Variants in SETD2 observed in about 807,000 individuals in gnomAD.
SETD2 encodes SET domain containing 2, histone lysine methyltransferase, also known as histone-lysine N-methyltransferase SETD2.
In SETD2, 31 loss-of-function variants were observed where a neutral mutation model predicts 242.1. That is an observed-to-expected ratio of 0.13 (90% confidence interval 0.10 to 0.17). The LOEUF (loss-of-function observed/expected upper bound fraction) is 0.17, where lower values mean the gene tolerates loss of function less well. Ranked by LOEUF, SETD2 falls within the 10% of genes least tolerant of loss-of-function variation. SETD2 has a pLI of 1.00. For synonymous variants in SETD2, 1,006 were observed against 1,066.5 expected (o/e 0.94, Z 1.11); for missense variants, 2,481 against 3,046.3 (o/e 0.81, Z 4.37).
At position 47,083,885 on chromosome 3, in the gene SETD2, G is replaced by T. The variant is rs768174639; in HGVS notation, c.5895C>A (p.Ser1965Arg). The change falls in exon 12 of 21, where the codon AGC (serine) becomes AGA (arginine). Residue 1965 changes from serine to arginine, a missense_variant. By Grantham distance (110) the Ser-to-Arg change is moderately radical. Around this residue, in one of 17 missense-constraint regions of SETD2, gnomAD observed 203 missense variants for 222.4 expected, o/e 0.91. Transcript: ENST00000409792. ...EADAEIEPKE[S>R]NGTKLEEPIN... ...TAGGTTCTTCTAGTTTTGTGCCGTT[G>T]CTCTCTTTGGGCTCTATTTCAGCGT... 6 of 1,613,996 alleles carry T rather than the reference G, an allele frequency of 3.7e-6. No homozygotes were observed. The highest frequency in any genetic ancestry group is 5.1e-6 in the Non-Finnish European group (6 of 1,180,002).
At chr3:47,088,322 C>T (rs2107652481) in intron 9 of SETD2, 75 bp from the exon 10 acceptor site, 1 of 1,459,776 alleles carries the variant, frequency 6.9e-7, no homozygotes, top group Non-Finnish European at 9.3e-7. Flanking sequence ...CAAAAAGTTG[C>T]TCAACCTTAT....
At chr3:47,066,169 A>G (rs562135158) in intron 13 of SETD2, among the ~76,000 whole-genome samples, 1 of 152,284 alleles carries the variant, frequency 6.6e-6, no homozygotes, top group East Asian at 1.9e-4. Flanking sequence ...ATTTTCTCTT[A>G]TGATTTTCTT....
chr3:47,079,023 TA>T (rs35692837), intron 12 of SETD2, among the ~76,000 whole-genome samples: 84,671 of 151,692 alleles, frequency 0.56, 23,788 homozygotes, highest in Non-Finnish European at 0.58. Flanking sequence ...CAGAAAACAA[TA>T]AAAAAAATAA....
At chr3:47,090,714 G>A (rs1192394480) in intron 9 of SETD2, among the ~76,000 whole-genome samples, 2 of 152,084 alleles carry the variant, frequency 1.3e-5, no homozygotes, top group East Asian at 1.9e-4. Flanking sequence ...ATAATAATTT[G>A]TGCGGCAATA....
intron 5 of SETD2, among the ~76,000 whole-genome samples, chr3:47,110,676 A>G (rs1258170969): frequency 6.6e-6 from 1 of 152,154 alleles, no homozygotes; most frequent in Non-Finnish European, 1.5e-5. Flanking sequence ...ACAACGCAAG[A>G]GTTTTGACTA....
At chr3:47,027,784 T>TTG (rs1298086667) in intron 18 of SETD2, among the ~76,000 whole-genome samples, 11 of 125,924 alleles carry the variant, frequency 8.7e-5, no homozygotes, top group Admixed American at 3.9e-4. Flanking sequence ...TGCTGCTGGT[T>TTG]TTTTTTTTTG....
intron 1 of SETD2, chr3:47,157,542 G>A (rs1426677502): frequency 8.8e-6 from 4 of 455,760 alleles, no homozygotes; most frequent in Admixed American, 7.1e-5. Flanking sequence ...CATAAGTACC[G>A]TTCTTTCTAG....
chr3:47,097,258 T>C (rs2042046036), intron 9 of SETD2, among the ~76,000 whole-genome samples: 1 of 152,158 alleles, frequency 6.6e-6, no homozygotes, highest in East Asian at 1.9e-4. Context: ...TTACTATGGA[T>C]CCAGCCAGCT....
chr3:47,110,285 CTGCTTAACAGGCAGAGT>C (rs2042599851), intron 5 of SETD2, among the ~76,000 whole-genome samples: 1 of 152,148 alleles, frequency 6.6e-6, no homozygotes, highest in East Asian at 1.9e-4. Flanking sequence ...TGAGAAGATT[CTGCTTAACAGGCAGAGT>C]TAGTTCCCTT....
chr3:47,118,492 C>T (rs1194537330), intron 3 of SETD2, among the ~76,000 whole-genome samples: 5 of 151,860 alleles, frequency 3.3e-5, no homozygotes, highest in African/African-American at 7.3e-5. Flanking sequence ...GAGGCTGAGA[C>T]GGGCGGATCA....
At chr3:47,118,389 G>A (rs979093905) in intron 3 of SETD2, among the ~76,000 whole-genome samples, 2 of 151,958 alleles carry the variant, frequency 1.3e-5, no homozygotes, top group African/African-American at 4.8e-5. Context: ...TCTTCTTAGT[G>A]GCTCCTAAAT....
chr3:47,151,378 G>A (rs1187433158), intron 1 of SETD2, among the ~76,000 whole-genome samples: 2 of 151,934 alleles, frequency 1.3e-5, no homozygotes, highest in South Asian at 2.1e-4. Flanking sequence ...AAATAGCATC[G>A]ATGAAAATAA....
At chr3:47,050,740 T>TTTTTTG in intron 15 of SETD2, among the ~76,000 whole-genome samples, 1 of 131,940 alleles carries the variant, frequency 7.6e-6, no homozygotes, top group Non-Finnish European at 1.6e-5. Context: ...TTTTTTTTTT[T>TTTTTTG]TTTTTTTTGA....
rs2043200482 is a variant in SETD2 at position 47,123,648 on chromosome 3, T to G, written c.988A>C (p.Thr330Pro). The change falls in exon 3 of 21, where the codon ACT becomes CCT. Residue 330 changes from threonine (T) to proline (P), a missense_variant. Around this residue, in one of 17 missense-constraint regions of SETD2, gnomAD observed 38 missense variants for 61.0 expected, o/e 0.62. Coordinates refer to ENST00000409792, the MANE Select transcript of SETD2 (RefSeq NM_014159.7). ...TCATGTGATCTTTGACTTGAAGAAG[T>G]CCGTACAGAATCTTCATCAGATTCT... Reference protein sequence around the residue: ...GSESDEDSVRTSSSQRSHDLK... With the variant: ...GSESDEDSVRPSSSQRSHDLK... The G allele has an allele frequency of 6.4e-7, 1 of 1,550,458 alleles. No individual in the cohort carries two copies. The highest frequency in any genetic ancestry group is 1.2e-5 in the South Asian group (1 of 83,936).
chr3:47,056,924 G>C lies in SETD2; in HGVS notation c.6860C>G (p.Ser2287Cys). 6.2e-7 allele frequency: 1 copy of C among 1,614,180 alleles called. No homozygotes were observed. The highest frequency in any genetic ancestry group is 8.5e-7 in the Non-Finnish European group (1 of 1,179,978). ...QQSVSVQQQY[S>C]PAQSQATIYY... ...TATGGTTGCTTGAGACTGTGCAGGA[G>C]AGTACTGCTGCTGTACACTGACAGA... The change falls in exon 15 of 21, where the codon TCT becomes TGT. Residue 2287 changes from serine to cysteine, a missense_variant. Physicochemically the swap from Ser to Cys is moderately radical, Grantham distance 112 (BLOSUM62 -1). This residue lies in a region of SETD2 where 235 missense variants were observed against 293.9 expected (regional missense o/e 0.80). Coordinates refer to ENST00000409792, the MANE Select transcript of SETD2 (RefSeq NM_014159.7).
intron 17 of SETD2, among the ~76,000 whole-genome samples, chr3:47,041,855 T>A (rs555705254): frequency 5.9e-5 from 9 of 152,136 alleles, no homozygotes; most frequent in Non-Finnish European, 1.2e-4. Flanking sequence ...GCTATTTAAT[T>A]TGGAAATAGA....
At chr3:47,126,937 C>A in intron 1 of SETD2, among the ~76,000 whole-genome samples, 1 of 151,730 alleles carries the variant, frequency 6.6e-6, no homozygotes. Flanking sequence ...CTGTAAGTCA[C>A]AAAAAAGAAA....
chr3:47,115,503 G>C (rs1446457293), intron 4 of SETD2, among the ~76,000 whole-genome samples: 1 of 151,540 alleles, frequency 6.6e-6, no homozygotes, highest in Admixed American at 6.6e-5. Context: ...ATTTTTTCAA[G>C]GTATATATAT....
chr3:47,040,239 A>G (rs2039217403), intron 17 of SETD2, among the ~76,000 whole-genome samples: 1 of 152,160 alleles, frequency 6.6e-6, no homozygotes, highest in Non-Finnish European at 1.5e-5. Flanking sequence ...TTGGCCTCCC[A>G]AAGTGCTGGG....
Sources: allele counts gnomAD v4.1 joint callset (sites outside exome capture counted in the v4.1 genomes callset), GRCh38; gene constraint gnomAD v4.1.1; regional missense constraint gnomAD v4.1.1; transcripts MANE v1.5; gene names NCBI Gene and HGNC (gene_info 2026-07-23, HGNC 2026-07-21).